LIN9: variants seen among roughly 807,000 people sequenced by gnomAD.
LIN9 encodes protein lin-9 homolog.
A neutral mutation model predicts 78.0 loss-of-function variants in LIN9; 18 were observed. The ratio of observed to expected loss-of-function variants is 0.23; its 90% CI spans 0.16 to 0.34. LIN9 has a LOEUF of 0.34. Ranked by LOEUF, LIN9 falls within the 10% of genes least tolerant of loss-of-function variation. The pLI is 1.00. For synonymous variants in LIN9, 192 were observed against 215.2 expected (o/e 0.89, Z 0.94); for missense variants, 451 against 644.1 (o/e 0.70, Z 3.25).
At position 226,231,947 on chromosome 1, in the gene LIN9, CAT is replaced by C. The variant is rs1657364874; in HGVS notation, c.*552_*553del. 1 of 388,622 alleles carries C rather than the reference CAT, an allele frequency of 2.6e-6. No individual in the cohort carries two copies. Among genetic ancestry groups the C allele is most frequent in the Admixed American group, 4.4e-5 (1 of 22,474 alleles). 24.1% of individuals were successfully genotyped at this position (388,622 alleles called of 1,614,324 possible). ...CATGTCACATTGCAAGTATATATAACATATACTTGTAAAGTCCACATTTCCCA... is the reference window on the plus strand; with the variant it reads ...CATGTCACATTGCAAGTATATATAACATACTTGTAAAGTCCACATTTCCCA... On this transcript the variant is annotated 3_prime_UTR_variant, in exon 15 of 15. Transcript: ENST00000681046.
At chr1:226,308,762 G>A (rs989306852) in intron 1 of LIN9, 6 of 172,320 alleles carry the variant, frequency 3.5e-5, no homozygotes, top group Non-Finnish European at 7.4e-5. Flanking sequence ...AGTGGTGCAG[G>A]CGGCGAGGAC....
intron 6 of LIN9, among the ~76,000 whole-genome samples, chr1:226,285,559 T>C (rs1661339858): frequency 6.6e-6 from 1 of 152,190 alleles, no homozygotes; most frequent in Non-Finnish European, 1.5e-5. Flanking sequence ...CAGATAGACA[T>C]AATGTGAGAA....
chr1:226,283,484 G>A (rs1290710744), intron 6 of LIN9, among the ~76,000 whole-genome samples: 1 of 151,650 alleles, frequency 6.6e-6, no homozygotes, highest in Non-Finnish European at 1.5e-5. Context: ...CTTATTGATA[G>A]GAGTTCTTTA....
At chr1:226,275,699 A>C (rs1660608962) in intron 7 of LIN9, among the ~76,000 whole-genome samples, 1 of 146,612 alleles carries the variant, frequency 6.8e-6, no homozygotes, top group Non-Finnish European at 1.5e-5. Flanking sequence ...CTCAGAAAAA[A>C]AAAAAAAAAA....
At chr1:226,266,370 T>G in intron 8 of LIN9, 38 bp from the exon 9 acceptor site, 1 of 1,550,774 alleles carries the variant, frequency 6.4e-7, no homozygotes, top group Non-Finnish European at 8.8e-7. Context: ...TTAAAGAAAT[T>G]TACCAATCAT....
rs1478491733 is a variant in LIN9, at chr1:226,258,912, A to C, written c.1038+6621T>G. Among the ~76,000 whole-genome samples, 9 of 148,742 alleles carry C rather than the reference A, an allele frequency of 6.1e-5. No homozygotes were observed. In the South Asian group the frequency reaches 1.8e-3, roughly 29 times the overall value. On this transcript the variant is annotated intron_variant, in intron 10 of 14. Coordinates refer to ENST00000681046, the MANE Select transcript of LIN9 (RefSeq NM_001366245.2). Reference sequence around the variant, plus strand: ...GTCTCAACAAAAAAAAAAAAAAAAAAAAAAAAAAAAAAGGCATTACATAAT... The same window carrying C: ...GTCTCAACAAAAAAAAAAAAAAAAACAAAAAAAAAAAAGGCATTACATAAT...
At chr1:226,271,283 CTT>C (rs776023779) in intron 7 of LIN9, among the ~76,000 whole-genome samples, 1 of 152,200 alleles carries the variant, frequency 6.6e-6, no homozygotes, top group Non-Finnish European at 1.5e-5. Context: ...AGTCCAGTCA[CTT>C]TTTACCTGCC....
chr1:226,269,029 C>A (rs1660101772), intron 7 of LIN9, among the ~76,000 whole-genome samples: 1 of 152,068 alleles, frequency 6.6e-6, no homozygotes, highest in Admixed American at 6.6e-5. Flanking sequence ...TTATTTAAGT[C>A]CAGCCTAAAA....
intron 11 of LIN9, among the ~76,000 whole-genome samples, chr1:226,240,280 T>C (rs1304088420): frequency 6.6e-6 from 1 of 152,210 alleles, no homozygotes; most frequent in African/African-American, 2.4e-5. Context: ...CGTCTTGCTA[T>C]GTTGCCCAGG....
rs139586416 is a variant in LIN9 at position 226,231,827 on chromosome 1, CCT to C, written c.*672_*673del. On this transcript the variant is annotated 3_prime_UTR_variant, in exon 15 of 15. Transcript: ENST00000681046. ...TTTAGCATTTTGCACCTTTTTTCCCCCTGTTCCTTCATTTTCTTTCAACAAAC... is the reference window on the plus strand; with the variant it reads ...TTTAGCATTTTGCACCTTTTTTCCCCGTTCCTTCATTTTCTTTCAACAAAC... The C allele has an allele frequency of 0.045, 10,397 of 232,454 alleles. 292 individuals carry two copies. The highest frequency in any genetic ancestry group is 0.06 in the Non-Finnish European group (7,363 of 123,044). The allele number at this position is 232,454 out of a possible 1,614,324, so 14.4% of individuals were successfully genotyped here.
chr1:226,239,465 T>G (rs1657959472), intron 11 of LIN9, among the ~76,000 whole-genome samples: 1 of 152,226 alleles, frequency 6.6e-6, no homozygotes, highest in Admixed American at 6.5e-5. Context: ...TCTAGTTATT[T>G]AAATCAATTG....
In LIN9 at chr1:226,265,432, G is replaced by A. The variant is rs986861581; in HGVS notation, c.1038+101C>T. On this transcript the variant is annotated intron_variant, in intron 10 of 14. Coordinates refer to ENST00000681046, the MANE Select transcript of LIN9 (RefSeq NM_001366245.2). This position sits in a 1 kb window ranked among gnomAD's most constrained non-coding sequence, Gnocchi z 4.1. The stretch of plus-strand genomic sequence containing the variant: ...AAATAGCAGCTCTTAAAACCTACAC[G>A]GTGATAAACCTACACGGCCCTAGAA... 15 of 578,582 alleles carry A rather than the reference G, an allele frequency of 2.6e-5. No homozygotes were observed. Among genetic ancestry groups the A allele is most frequent in the Middle Eastern group, 2.9e-4 (1 of 3,474 alleles). 35.8% of individuals were successfully genotyped at this position (578,582 alleles called of 1,614,324 possible).
At chr1:226,309,205 CTT>C (rs995776666), upstream of LIN9, 6 of 1,459,846 alleles carry the variant, frequency 4.1e-6, no homozygotes, top group African/African-American at 1.4e-5. Context: ...CGGAGACTGT[CTT>C]TGCGAGGGAG....
At chr1:226,233,671 T>G (rs1260900408) in intron 12 of LIN9, 148 bp from the exon 13 acceptor site, 4 of 459,976 alleles carry the variant, frequency 8.7e-6, no homozygotes, top group Non-Finnish European at 1.4e-5. Flanking sequence ...GTTTTTTTCC[T>G]TTAACAGTTT....
At chr1:226,293,757 C>A (rs914162512) in intron 4 of LIN9, among the ~76,000 whole-genome samples, 1 of 152,112 alleles carries the variant, frequency 6.6e-6, no homozygotes, top group African/African-American at 2.4e-5. Flanking sequence ...GGCATTTTGC[C>A]ATGTTGGCCA....
rs1307424790 is a variant in LIN9 at position 226,305,114 on chromosome 1, G to C, written c.32-3909C>G. 2.6e-5 allele frequency among the ~76,000 whole-genome samples: 4 copies of C among 151,866 alleles called. No homozygotes were observed. The East Asian group carries it at 5.8e-4, about 22-fold the overall frequency. ...GAACTCTAGAGGCGGAGGTTGCAGTGAGCAAAGACTGCACCGCTGCACTCC... is the reference window on the plus strand; with the variant it reads ...GAACTCTAGAGGCGGAGGTTGCAGTCAGCAAAGACTGCACCGCTGCACTCC... On this transcript the variant is annotated intron_variant, in intron 1 of 14. Transcript: ENST00000681046.
At chr1:226,275,422 G>A (rs1660581665) in intron 7 of LIN9, among the ~76,000 whole-genome samples, 1 of 152,186 alleles carries the variant, frequency 6.6e-6, no homozygotes, top group South Asian at 2.1e-4. Flanking sequence ...TAGGCTGGGT[G>A]CGGTGGCTCA....
chr1:226,302,263 G>T (rs1662587581), intron 1 of LIN9, among the ~76,000 whole-genome samples: 1 of 152,012 alleles, frequency 6.6e-6, no homozygotes, highest in Non-Finnish European at 1.5e-5. Context: ...CAATAGAGAG[G>T]CCGGGTGCGG....
Position 226,286,414 on chromosome 1 carries a change from T to A in LIN9, c.443A>T (p.Glu148Val). Residue 148 changes from glutamate to valine, a missense_variant, in exon 6 of 15, where the codon GAA (glutamate) becomes GTA (valine). Glu to Val is a moderately radical substitution (Grantham distance 121, BLOSUM62 -2). Coordinates refer to ENST00000681046, the MANE Select transcript of LIN9 (RefSeq NM_001366245.2). The stretch of plus-strand genomic sequence containing the variant: ...TCTTGTTTTCAAATTAGGAAAAGAT[T>A]CCTTTAGACATACACAGAAGTCATT... Reference protein sequence around the residue: ...GDNDFCVCLKESFPNLKTRKL... With the variant: ...GDNDFCVCLKVSFPNLKTRKL... 3 of 1,609,296 alleles carry A rather than the reference T, an allele frequency of 1.9e-6. No homozygotes were observed. Among genetic ancestry groups the A allele is most frequent in the Non-Finnish European group, 2.5e-6 (3 of 1,176,522 alleles).
Sources: gnomAD v4.1 joint callset for allele counts (sites outside exome capture counted in the v4.1 genomes callset) on GRCh38, gnomAD v4.1.1 for gene constraint, Gnocchi (gnomAD v3.1) non-coding constraint, MANE v1.5 for transcripts, NCBI Gene and HGNC (gene_info 2026-07-23, HGNC 2026-07-21) for gene names.